The following FAP variants were observed in gnomAD, a reference collection of about 807,000 sequenced individuals.
FAP encodes the protein fibroblast activation protein alpha.
In FAP, 110 loss-of-function variants were observed where a neutral mutation model predicts 126.5. The observed-to-expected ratio is 0.87, with a 90% confidence interval of 0.74 to 1.02. FAP has a LOEUF of 1.02. FAP is among the 50% of genes least tolerant of loss of function. The pLI is 0.00. For synonymous variants in FAP, 334 were observed against 297.3 expected (o/e 1.12, Z -1.27); for missense variants, 919 against 909.2 (o/e 1.01, Z -0.14).
chr2:162,239,702 G>A (rs1443156630), intron 2 of FAP, among the ~76,000 whole-genome samples: 1 of 152,100 alleles, frequency 6.6e-6, no homozygotes. Context: ...TTTACTACAT[G>A]TTAGAAATTT....
At chr2:162,227,230 A>C (rs894312556) in intron 2 of FAP, among the ~76,000 whole-genome samples, 5 of 152,150 alleles carry the variant, frequency 3.3e-5, no homozygotes, top group African/African-American at 4.8e-5. Flanking sequence ...AAGAAAGTAG[A>C]CCAAAAGAAA....
At chr2:162,176,571 AG>A (rs1157096804) in intron 21 of FAP, 1 of 152,198 alleles carries the variant, frequency 6.6e-6, no homozygotes, top group East Asian at 1.9e-4. Context: ...TATTTTGATT[AG>A]CAGGTTTGCA....
chr2:162,202,629 A>G (rs1185111772), intron 14 of FAP, among the ~76,000 whole-genome samples: 1 of 152,244 alleles, frequency 6.6e-6, no homozygotes, highest in Non-Finnish European at 1.5e-5. Context: ...TAAAATTTGT[A>G]TACTTTTTAT....
chr2:162,211,964 C>T (rs1408666379), intron 11 of FAP, among the ~76,000 whole-genome samples: 1 of 152,132 alleles, frequency 6.6e-6, no homozygotes, highest in African/African-American at 2.4e-5. Context: ...AAATTCGACA[C>T]TGTTGTTCTC....
intron 22 of FAP, 36 bp downstream of exon 22, chr2:162,174,831 A>C: frequency 6.9e-7 from 1 of 1,449,696 alleles, no homozygotes; most frequent in Non-Finnish European, 9.7e-7. Context: ...TACGTGTTAA[A>C]TGCTTTCACA....
rs116103726 is a variant in FAP at position 162,225,420 on chromosome 2, G to A, written c.285+63C>T. On this transcript the variant is annotated intron_variant, in intron 4 of 25. Transcript: ENST00000188790. ...ATCAGGTGCTAAGACTTTGAACTCT[G>A]TTTCTTGGTCAATGAAGAGTGGGCA... is the stretch of plus-strand genomic sequence containing the variant. The A allele has an allele frequency of 6.6e-4, 1,028 of 1,555,114 alleles. 4 individuals carry two copies. In the African/African-American group the frequency reaches 0.012, roughly 19 times the overall value.
At chr2:162,238,118 T>C (rs1301048547) in intron 2 of FAP, among the ~76,000 whole-genome samples, 2 of 152,134 alleles carry the variant, frequency 1.3e-5, no homozygotes, top group African/African-American at 4.8e-5. Context: ...GGTGGAGAGA[T>C]TGGAAAAATT....
chr2:162,178,413 A>C (rs1265231804), intron 21 of FAP, among the ~76,000 whole-genome samples: 1 of 152,156 alleles, frequency 6.6e-6, no homozygotes, highest in Non-Finnish European at 1.5e-5. Flanking sequence ...GGGCTGTCCT[A>C]TGTATCACAG....
intron 23 of FAP, among the ~76,000 whole-genome samples, chr2:162,173,518 G>C (rs890432658): frequency 3.9e-5 from 6 of 152,016 alleles, no homozygotes; most frequent in African/African-American, 7.2e-5. Context: ...ATTGGGAAAA[G>C]AGAGGTTAGG....
chr2:162,221,586 A>G, intron 6 of FAP: 1 of 434,936 alleles, frequency 2.3e-6, no homozygotes, highest in South Asian at 1.6e-5. Flanking sequence ...GCTAGTGCTC[A>G]TGTTACCTTT....
intron 12 of FAP, among the ~76,000 whole-genome samples, chr2:162,208,033 G>T (rs1398380532): frequency 4.0e-5 from 6 of 151,628 alleles, no homozygotes; most frequent in African/African-American, 1.5e-4. Context: ...CGAGGCAGGC[G>T]GATCACGAGG....
chr2:162,185,434 G>A (rs1687833871), intron 20 of FAP, among the ~76,000 whole-genome samples: 1 of 152,044 alleles, frequency 6.6e-6, no homozygotes, highest in African/African-American at 2.4e-5. Flanking sequence ...CTCCAAATGA[G>A]CAAAGTTGCC....
intron 6 of FAP, among the ~76,000 whole-genome samples, chr2:162,220,862 C>A (rs1308959836): frequency 6.6e-6 from 1 of 152,158 alleles, no homozygotes; most frequent in East Asian, 1.9e-4. Flanking sequence ...ATCGAGACTG[C>A]CTTCGTGGGA....
At chr2:162,198,447 G>T in intron 16 of FAP, 2 of 959,358 alleles carry the variant, frequency 2.1e-6, no homozygotes, top group South Asian at 1.7e-5. Context: ...TAGTGCTGTG[G>T]AATGTGGTGG....
At chr2:162,185,535 A>G (rs1687837215) in intron 20 of FAP, among the ~76,000 whole-genome samples, 1 of 152,136 alleles carries the variant, frequency 6.6e-6, no homozygotes, top group Non-Finnish European at 1.5e-5. Context: ...TTATGTCTGT[A>G]GCTTCACAAA....
At chr2:162,213,621 G>GACC (rs1317070817) in intron 11 of FAP, among the ~76,000 whole-genome samples, 2 of 151,758 alleles carry the variant, frequency 1.3e-5, no homozygotes, top group South Asian at 4.2e-4. Flanking sequence ...TTATTGGACT[G>GACC]CCAATGTTAT....
intron 17 of FAP, among the ~76,000 whole-genome samples, chr2:162,192,211 C>A (rs1045167718): frequency 6.6e-6 from 1 of 152,136 alleles, no homozygotes; most frequent in Admixed American, 6.6e-5. Context: ...CTTACTTATG[C>A]AGACCTAATT....
chr2:162,219,004 T>G, intron 8 of FAP, 59 bp downstream of exon 8: 16 of 1,359,598 alleles, frequency 1.2e-5, no homozygotes, highest in Non-Finnish European at 1.6e-5. Context: ...ACTAAATATA[T>G]GAAATTATTT....
intron 5 of FAP, 141 bp from the exon 6 acceptor site, chr2:162,223,801 C>T: frequency 1.6e-6 from 1 of 620,606 alleles, no homozygotes; most frequent in South Asian, 2.0e-5. Context: ...GAATATGTTT[C>T]AATTCCAAAT....
Sources: gnomAD v4.1 joint callset for allele counts (sites outside exome capture counted in the v4.1 genomes callset) on GRCh38, gnomAD v4.1.1 for gene constraint, MANE v1.5 for transcripts, NCBI Gene and HGNC (gene_info 2026-07-23, HGNC 2026-07-21) for gene names.